ZKSCAN8: variants seen among roughly 807,000 people sequenced by gnomAD.
ZKSCAN8 encodes the protein zinc finger with KRAB and SCAN domains 8, also known as zinc finger protein with KRAB and SCAN domains 8.
In ZKSCAN8, 27 loss-of-function variants were observed where a neutral mutation model predicts 57.2. The ratio of observed to expected loss-of-function variants is 0.47; its 90% CI spans 0.35 to 0.65. The LOEUF (loss-of-function observed/expected upper bound fraction) is 0.65, where lower values mean the gene tolerates loss of function less well. ZKSCAN8 is among the 30% of genes least tolerant of loss of function. ZKSCAN8 has a pLI of 0.01. For missense variants in ZKSCAN8, 597 were observed against 696.3 expected (o/e 0.86, Z 1.60); for synonymous variants, 214 against 248.7 (o/e 0.86, Z 1.31).
rs1765602720 is a variant in ZKSCAN8, at chr6:28,151,904, A to G, written c.619A>G (p.Met207Val). 2 of 1,614,172 alleles carry G rather than the reference A, an allele frequency of 1.2e-6. No homozygotes were observed. The highest frequency in any genetic ancestry group is 2.2e-5 in the South Asian group (2 of 91,092). Residue 207 changes from methionine to valine, a missense_variant, in exon 4 of 6, where the codon ATG becomes GTG. By Grantham distance (21) the Met-to-Val change is conservative. Transcript: ENST00000330236. ...SQKGSSGDQEMTATLLTAGFQ... is the reference protein window; with the variant it reads ...SQKGSSGDQEVTATLLTAGFQ... ...GAAAGGAAGTTCTGGAGACCAGGAA[A>G]TGACAGCTACACTTCTCACAGCAGG...
At chr6:28,146,081 ATT>A (rs1378794755) in intron 1 of ZKSCAN8, among the ~76,000 whole-genome samples, 1 of 152,252 alleles carries the variant, frequency 6.6e-6, no homozygotes, top group East Asian at 1.9e-4. Context: ...ATAGACATAT[ATT>A]TCACAAAGAA....
rs765643034 is a variant in ZKSCAN8 at position 28,148,559 on chromosome 6, G to A, written c.152G>A (p.Arg51His). The A allele has an allele frequency of 9.9e-6, 16 of 1,613,954 alleles. No individual in the cohort carries two copies. Among genetic ancestry groups the A allele is most frequent in the African/African-American group, 6.7e-5 (5 of 74,876 alleles). The change falls in exon 2 of 6, where the codon CGC (arginine) becomes CAC (histidine). Residue 51 changes from arginine to histidine, a missense_variant. Physicochemically the swap from Arg to His is conservative, Grantham distance 29. Transcript: ENST00000330236. ...AACCCTCTTGGCCAAGAAGTGTTCC[G>A]CCTGCGCTTCAGGCAGTTACGCTAC... is the stretch of plus-strand genomic sequence containing the variant. ...ESNPLGQEVF[R>H]LRFRQLRYQE...
chr6:28,152,422 T>G, intron 5 of ZKSCAN8, 38 bp downstream of exon 5: 1 of 1,568,836 alleles, frequency 6.4e-7, no homozygotes, highest in Non-Finnish European at 8.6e-7. Context: ...ATTTTAGATT[T>G]TTTGTTTGTT....
chr6:28,152,877 G>T (rs1331405798), intron 5 of ZKSCAN8, among the ~76,000 whole-genome samples, 179 bp from the exon 6 acceptor site: 1 of 151,842 alleles, frequency 6.6e-6, no homozygotes, highest in Non-Finnish European at 1.5e-5. Flanking sequence ...TTTCCCAGTT[G>T]ACTAGCTCAT....
rs967848988 is a variant in ZKSCAN8 at position 28,148,498 on chromosome 6, C to T, written c.91C>T (p.His31Tyr). The T allele has an allele frequency of 4.3e-6, 7 of 1,614,180 alleles. No individual in the cohort carries two copies. The highest frequency in any genetic ancestry group is 5.9e-6 in the Non-Finnish European group (7 of 1,180,030). The change falls in exon 2 of 6, where the codon CAT (histidine) becomes TAT (tyrosine). Residue 31 changes from histidine (H) to tyrosine (Y), a missense_variant. His to Tyr is a moderately conservative substitution (Grantham distance 83). Coordinates refer to ENST00000330236, the MANE Select transcript of ZKSCAN8 (RefSeq NM_006298.4). The part of the protein sequence containing the change: ...DLVIVKVEED[H>Y]GWDQESSLHE... ...TGTAATCGTCAAGGTAGAGGAGGAT[C>T]ATGGTTGGGACCAGGAATCTAGTCT...
chr6:28,149,825 T>A (rs533537099), intron 3 of ZKSCAN8, among the ~76,000 whole-genome samples: 1 of 93,278 alleles, frequency 1.1e-5, no homozygotes, highest in Non-Finnish European at 2.0e-5. Flanking sequence ...ATAATTTGAC[T>A]TTTTTTTTTT....
rs1438835050 is a variant in ZKSCAN8, at chr6:28,154,055, TAGGG to T, written c.*40_*43del. Reference sequence around the variant, plus strand: ...TTAGAGTTTGAGCATTATTCAGCATTAGGGAAACCACACACTGGTGAGAGGTCTT... The same window carrying T: ...TTAGAGTTTGAGCATTATTCAGCATTAAACCACACACTGGTGAGAGGTCTT... On this transcript the variant is annotated 3_prime_UTR_variant, in exon 6 of 6. Transcript: ENST00000330236. 5 of 1,535,818 alleles carry T rather than the reference TAGGG, an allele frequency of 3.3e-6. No homozygotes were observed. The African/African-American group carries it at 5.5e-5, about 17-fold the overall frequency.
At chr6:28,150,070 TCA>T (rs1392691446) in intron 3 of ZKSCAN8, among the ~76,000 whole-genome samples, 1 of 152,178 alleles carries the variant, frequency 6.6e-6, no homozygotes, top group Non-Finnish European at 1.5e-5. Flanking sequence ...CCTAAATTTA[TCA>T]CAATTAAGAA....
chr6:28,147,343 A>G (rs1200428344), intron 1 of ZKSCAN8, among the ~76,000 whole-genome samples: 1 of 152,172 alleles, frequency 6.6e-6, no homozygotes, highest in Non-Finnish European at 1.5e-5. Flanking sequence ...AGTTGCCACT[A>G]CACATACACC....
intron 5 of ZKSCAN8, 28 bp downstream of exon 5, chr6:28,152,412 A>G: frequency 1.9e-6 from 3 of 1,574,698 alleles, no homozygotes; most frequent in Non-Finnish European, 2.6e-6. Context: ...TATTATTGTC[A>G]TTTTAGATTT....
chr6:28,149,812 T>G (rs563259031), intron 3 of ZKSCAN8, among the ~76,000 whole-genome samples, 188 bp downstream of exon 3: 4 of 150,666 alleles, frequency 2.7e-5, no homozygotes, highest in Non-Finnish European at 4.4e-5. Flanking sequence ...ATGAACAAAT[T>G]AAATAATTTG....
chr6:28,150,486 T>C (rs1765556928), intron 3 of ZKSCAN8, among the ~76,000 whole-genome samples: 2 of 152,182 alleles, frequency 1.3e-5, no homozygotes, highest in Non-Finnish European at 2.9e-5. Flanking sequence ...TCTTGCAGGG[T>C]TAATCATTGT....
Position 28,153,412 on chromosome 6 carries a change from T to A in ZKSCAN8, c.1132T>A (p.Tyr378Asn), listed in dbSNP as rs1244118632. Residue 378 changes from tyrosine to asparagine, a missense_variant, in exon 6 of 6, where the codon TAT becomes AAT. Tyr to Asn is a moderately radical substitution (Grantham distance 143). Transcript: ENST00000330236. The stretch of plus-strand genomic sequence containing the variant: ...GGATATCCACAACAAAGTAAAACGC[T>A]ATCACTGTAAGGAGTGTGGCAAAGC... ...HQDIHNKVKR[Y>N]HCKECGKAFS... 1 of 1,614,072 alleles carries A rather than the reference T, an allele frequency of 6.2e-7. No individual in the cohort carries two copies.
In ZKSCAN8 at chr6:28,148,362, A is replaced by G. The variant is rs761994134; in HGVS notation, c.-46A>G. 1.3e-6 allele frequency: 2 copies of G among 1,565,646 alleles called. No individual in the cohort carries two copies. The highest frequency in any genetic ancestry group is 1.7e-6 in the Non-Finnish European group (2 of 1,156,024). On this transcript the variant is annotated 5_prime_UTR_variant, in exon 2 of 6. Coordinates refer to ENST00000330236, the MANE Select transcript of ZKSCAN8 (RefSeq NM_006298.4). ...CTCAGAAGAGTCTTCTCTTAAGAAG[A>G]TAAAGAAGGTAGTGGAAACGAACTT...
chr6:28,142,837 C>T (rs1304509035), intron 1 of ZKSCAN8, among the ~76,000 whole-genome samples: 1 of 152,204 alleles, frequency 6.6e-6, no homozygotes, highest in Non-Finnish European at 1.5e-5. Flanking sequence ...TTAATTAAAA[C>T]TTTCAGCTAA....
Position 28,144,261 on chromosome 6 carries a change from TG to T in ZKSCAN8, c.-93+2233del, listed in dbSNP as rs1159449541. 2.6e-5 allele frequency: 4 copies of T among 152,300 alleles called. No homozygotes were observed. The highest frequency in any genetic ancestry group is 6.5e-5 in the Admixed American group (1 of 15,290). 9.4% of individuals were successfully genotyped at this position (152,300 alleles called of 1,614,324 possible). A position where few individuals can be genotyped will look rare whatever the true frequency, so the allele number is the denominator to read the frequency against. On this transcript the variant is annotated intron_variant, in intron 1 of 5. Transcript: ENST00000330236. The surrounding 1 kb of genome is among the most constrained non-coding windows in gnomAD (Gnocchi z 4.5). ...GGATGGCCTTTGAGTCTGTGAACTC[TG>T]CCGAAATTGAGTATACAATTTTGTA...
At position 28,152,135 on chromosome 6, in the gene ZKSCAN8, A is replaced by C. The variant is rs760875162; in HGVS notation, c.652-126A>C. On this transcript the variant is annotated intron_variant, in intron 4 of 5. Transcript: ENST00000330236. ...ATTTTCCTCTTCTTCCTAGCTATTC[A>C]GATCCCTTTACATAGTACATTCCCA... 5.7e-4 allele frequency: 818 copies of C among 1,444,630 alleles called. 1 individual carries two copies. Among genetic ancestry groups the C allele is most frequent in the Non-Finnish European group, 7.2e-4 (767 of 1,067,740 alleles). 89.5% of individuals were successfully genotyped at this position (1,444,630 alleles called of 1,614,324 possible).
Position 28,153,038 on chromosome 6 carries a change from A to C in ZKSCAN8, c.776-18A>C. On this transcript the variant is annotated intron_variant, in intron 5 of 5. Transcript: ENST00000330236. The stretch of plus-strand genomic sequence containing the variant: ...TGTGACATTGGCTTGATGTTTGTTT[A>C]TTACATTTTTATTTCAGGTGGTGAG... 6.2e-7 allele frequency: 1 copy of C among 1,611,076 alleles called. No homozygotes were observed. Among genetic ancestry groups the C allele is most frequent in the Non-Finnish European group, 8.5e-7 (1 of 1,178,116 alleles).
In ZKSCAN8 at chr6:28,148,665, C is replaced by T. The variant is rs1765487345; in HGVS notation, c.258C>T (p.Thr86=). 1 of 1,614,102 alleles carries T rather than the reference C, an allele frequency of 6.2e-7. No individual in the cohort carries two copies. Among genetic ancestry groups the T allele is most frequent in the Non-Finnish European group, 8.5e-7 (1 of 1,180,012 alleles). ...CHQWLRPDLN[T]KEQILELLVL... Reference sequence around the variant, plus strand: ...AGTGGCTGAGGCCAGATTTGAACACCAAGGAACAGATCCTGGAGCTGCTGG... The same window carrying T: ...AGTGGCTGAGGCCAGATTTGAACACTAAGGAACAGATCCTGGAGCTGCTGG... Residue 86 remains threonine (T), a synonymous_variant, in exon 2 of 6, where the codon ACC becomes ACT. Coordinates refer to ENST00000330236, the MANE Select transcript of ZKSCAN8 (RefSeq NM_006298.4).
Sources: gnomAD v4.1 joint callset for allele counts (sites outside exome capture counted in the v4.1 genomes callset) on GRCh38, gnomAD v4.1.1 for gene constraint, Gnocchi (gnomAD v3.1) non-coding constraint, MANE v1.5 for transcripts, NCBI Gene and HGNC (gene_info 2026-07-23, HGNC 2026-07-21) for gene names.